Variants in PRKCA observed in about 807,000 individuals in gnomAD.
PRKCA encodes the protein protein kinase C alpha type.
A neutral mutation model predicts 87.0 loss-of-function variants in PRKCA; 27 were observed. The observed-to-expected ratio is 0.31, with a 90% CI of 0.23 to 0.43. The LOEUF (loss-of-function observed/expected upper bound fraction) is 0.43. Ranked by LOEUF, PRKCA falls within the 20% of genes least tolerant of loss-of-function variation. The pLI is 1.00. For synonymous variants in PRKCA, 329 were observed against 311.1 expected (o/e 1.06, Z -0.61); for missense variants, 518 against 852.3 (o/e 0.61, Z 4.88).
chr17:66,619,174 C>T (rs937702504), intron 3 of PRKCA, among the ~76,000 whole-genome samples: 1 of 152,148 alleles, frequency 6.6e-6, no homozygotes, highest in Non-Finnish European at 1.5e-5. Context: ...TGGTTCTTTA[C>T]TAAGATGGCT....
intron 3 of PRKCA, among the ~76,000 whole-genome samples, chr17:66,496,784 T>C (rs1159769708): frequency 6.6e-6 from 1 of 152,048 alleles, no homozygotes; most frequent in Non-Finnish European, 1.5e-5. Flanking sequence ...GCTGGCACTA[T>C]AGATGTGCAC....
At chr17:66,384,483 AGAATAAAACG>A (rs1909939023) in intron 2 of PRKCA, among the ~76,000 whole-genome samples, 3 of 152,222 alleles carry the variant, frequency 2.0e-5, no homozygotes, top group African/African-American at 7.2e-5. Flanking sequence ...GCTCATTTTT[AGAATAAAACG>A]TTTTCTTATA....
At chr17:66,655,359 T>G (rs1340811477) in intron 5 of PRKCA, among the ~76,000 whole-genome samples, 2 of 152,270 alleles carry the variant, frequency 1.3e-5, no homozygotes, top group East Asian at 3.9e-4. Context: ...GCACTCAGAT[T>G]TCCAAGCCAT....
chr17:66,495,708 A>G (rs1479756049), intron 2 of PRKCA, among the ~76,000 whole-genome samples: 4 of 151,368 alleles, frequency 2.6e-5, no homozygotes, highest in Non-Finnish European at 4.4e-5. Context: ...GCCCATCACT[A>G]TGGCCAGCTA....
chr17:66,335,406 A>T lies in PRKCA; in HGVS notation c.205+29279A>T, dbSNP rs185116733. 5.5e-4 allele frequency among the ~76,000 whole-genome samples: 84 copies of T among 152,136 alleles called. 1 individual carries two copies. Among genetic ancestry groups the T allele is most frequent in the South Asian group, 5.0e-3 (24 of 4,826 alleles). ...CACCTTGGCCTCTCAAAGTGCTGGGATTACAGGTGAGAGCCTCTACACATA... is the reference window on the plus strand; with the variant it reads ...CACCTTGGCCTCTCAAAGTGCTGGGTTTACAGGTGAGAGCCTCTACACATA... On this transcript the variant is annotated intron_variant, in intron 2 of 16. Coordinates refer to ENST00000413366, the MANE Select transcript of PRKCA (RefSeq NM_002737.3).
chr17:66,768,457 G>A (rs1348590819), intron 13 of PRKCA, among the ~76,000 whole-genome samples: 2 of 152,116 alleles, frequency 1.3e-5, no homozygotes, highest in African/African-American at 4.8e-5. Flanking sequence ...TACACCACTG[G>A]AATTGAAGTG....
rs531011930 is a variant in PRKCA at position 66,445,053 on chromosome 17, A to AATTTGTCAT, written c.206-51147_206-51139dup. Among the ~76,000 whole-genome samples, 226 of 152,240 alleles carry AATTTGTCAT rather than the reference A, an allele frequency of 1.5e-3. 1 individual carries two copies. The highest frequency in any genetic ancestry group is 5.1e-3 in the African/African-American group (211 of 41,538). On this transcript the variant is annotated intron_variant, in intron 2 of 16. Coordinates refer to ENST00000413366, the MANE Select transcript of PRKCA (RefSeq NM_002737.3). ...TTTGTAGCAACATGTCCCTGCCCCG[A>AATTTGTCAT]ATTTGTCATCCAGATGTCGCCTTTG...
chr17:66,778,145 A>G (rs1975105783), intron 14 of PRKCA: 2 of 985,210 alleles, frequency 2.0e-6, no homozygotes, highest in African/African-American at 1.7e-5. Context: ...CCTGTTTCCA[A>G]TATTTCCCAC....
In PRKCA at chr17:66,754,703, G is replaced by A. The variant is rs147131868; in HGVS notation, c.1524+11943G>A. Among the ~76,000 whole-genome samples the A allele has an allele frequency of 1.9e-3, 291 of 152,230 alleles. 4 individuals are homozygous for A. Among genetic ancestry groups the A allele is most frequent in the African/African-American group, 6.5e-3 (271 of 41,534 alleles). On this transcript the variant is annotated intron_variant, in intron 13 of 16. Transcript: ENST00000413366. The stretch of plus-strand genomic sequence containing the variant: ...ATTAAAGAAGTTTGCTGGGCATGGC[G>A]CTGGAGAGGTCCGGTGGGCCAAGTC...
chr17:66,325,024 A>G (rs755087577), intron 2 of PRKCA, among the ~76,000 whole-genome samples: 1 of 152,226 alleles, frequency 6.6e-6, no homozygotes, highest in African/African-American at 2.4e-5. Flanking sequence ...TTACCCTGCT[A>G]GTCAGTGTTT....
intron 5 of PRKCA, among the ~76,000 whole-genome samples, chr17:66,647,153 T>C (rs1971478992): frequency 6.6e-6 from 1 of 152,066 alleles, no homozygotes; most frequent in African/African-American, 2.4e-5. Flanking sequence ...ACAGCTTTGC[T>C]CTTGTTTCTC....
intron 2 of PRKCA, among the ~76,000 whole-genome samples, chr17:66,411,346 G>A (rs1236170013): frequency 3.3e-5 from 5 of 151,830 alleles, no homozygotes; most frequent in Admixed American, 6.6e-5. Context: ...ACAGGCATGA[G>A]CCACTGCGCG....
chr17:66,461,346 G>C (rs1244082609), intron 2 of PRKCA, among the ~76,000 whole-genome samples: 2 of 151,994 alleles, frequency 1.3e-5, no homozygotes, highest in African/African-American at 4.8e-5. Flanking sequence ...ACTTCTTCCA[G>C]ACTTGTTTTG....
Position 66,510,295 on chromosome 17 carries a change from G to A in PRKCA, c.288+14012G>A, listed in dbSNP as rs192253097. 9.1e-3 allele frequency among the ~76,000 whole-genome samples: 1,380 copies of A among 152,218 alleles called. 14 individuals are homozygous for A. The highest frequency in any genetic ancestry group is 0.015 in the Non-Finnish European group (1,012 of 68,002). On this transcript the variant is annotated intron_variant, in intron 3 of 16. Coordinates refer to ENST00000413366, the MANE Select transcript of PRKCA (RefSeq NM_002737.3). ...TGTTTTCGGGGGGAAAAGGTTTTTT[G>A]TGTTGAGGGACTCTTCAGTGCTTGA...
intron 3 of PRKCA, among the ~76,000 whole-genome samples, chr17:66,544,106 T>TCA (rs1968076123): frequency 6.6e-6 from 1 of 151,926 alleles, no homozygotes; most frequent in African/African-American, 2.4e-5. Flanking sequence ...TCCCTGCTAC[T>TCA]GGGGTGGTGG....
chr17:66,503,943 G>A (rs1477913745), intron 3 of PRKCA, among the ~76,000 whole-genome samples: 2 of 152,102 alleles, frequency 1.3e-5, no homozygotes, highest in Non-Finnish European at 2.9e-5. Flanking sequence ...GAACTGACAC[G>A]GTAAAGTTAG....
intron 3 of PRKCA, 102 bp downstream of exon 3, chr17:66,496,385 G>A: frequency 1.0e-6 from 1 of 952,860 alleles, no homozygotes; most frequent in Non-Finnish European, 1.7e-6. Context: ...ACTGTTAATG[G>A]GAAGACTCAA....
At chr17:66,349,659 C>T (rs1368516092) in intron 2 of PRKCA, among the ~76,000 whole-genome samples, 1 of 152,082 alleles carries the variant, frequency 6.6e-6, no homozygotes, top group East Asian at 1.9e-4. Context: ...TTTAGTTGTC[C>T]AGGTCCTGTA....
chr17:66,417,067 T>A (rs1041793644), intron 2 of PRKCA, among the ~76,000 whole-genome samples: 3 of 151,950 alleles, frequency 2.0e-5, no homozygotes, highest in African/African-American at 7.3e-5. Context: ...CCCAGCTAAT[T>A]TTTGTATTTT....
Sources: gnomAD v4.1 joint callset for allele counts (sites outside exome capture counted in the v4.1 genomes callset) on GRCh38, gnomAD v4.1.1 for gene constraint, MANE v1.5 for transcripts, NCBI Gene and HGNC (gene_info 2026-07-23, HGNC 2026-07-21) for gene names.